CALD1: variants seen among roughly 807,000 people sequenced by gnomAD.
CALD1 encodes caldesmon.
In CALD1, 33 loss-of-function variants were observed where a neutral mutation model predicts 99.9. That is an observed-to-expected ratio of 0.33 (90% confidence interval 0.25 to 0.44). CALD1 has a LOEUF of 0.44. Ranked by LOEUF, CALD1 falls within the 20% of genes least tolerant of loss-of-function variation. The pLI is 1.00. For synonymous variants in CALD1, 310 were observed against 325.0 expected, an observed-to-expected ratio of 0.95 and a Z score of 0.50; for missense variants, 861 against 962.1, an observed-to-expected ratio of 0.89 and a Z score of 1.39.
At chr7:134,893,274 T>C (rs1049399153) in intron 3 of CALD1, among the ~76,000 whole-genome samples, 1 of 152,096 alleles carries the variant, frequency 6.6e-6, no homozygotes, top group Non-Finnish European at 1.5e-5. Flanking sequence ...CCCTTTCTGA[T>C]CCAGCCCCCT....
At chr7:134,730,844 T>C in the CALD1 span, among the ~76,000 whole-genome samples, 2 of 152,082 alleles carry the variant, frequency 1.3e-5, no homozygotes, top group South Asian at 2.1e-4. Context: ...GGGGGAGACA[T>C]CCAGCTTTAG....
chr7:134,880,034 T>C (rs1319655130), intron 3 of CALD1, among the ~76,000 whole-genome samples: 4 of 152,326 alleles, frequency 2.6e-5, no homozygotes, highest in Non-Finnish European at 4.4e-5. Flanking sequence ...AATGTTCATA[T>C]TTTCCATTGT....
chr7:134,810,921 T>G (rs1207323688), intron 1 of CALD1, among the ~76,000 whole-genome samples: 1 of 152,122 alleles, frequency 6.6e-6, no homozygotes, highest in East Asian at 1.9e-4. Context: ...CCAGGCAAAT[T>G]GTTTCATTGG....
intron 3 of CALD1, among the ~76,000 whole-genome samples, chr7:134,877,131 T>C (rs1037577613): frequency 6.6e-6 from 1 of 152,228 alleles, no homozygotes; most frequent in Non-Finnish European, 1.5e-5. Flanking sequence ...TTACCTCTTG[T>C]TGCTGTTTTT....
intron 1 of CALD1, among the ~76,000 whole-genome samples, chr7:134,810,278 G>A (rs1798304867): frequency 6.6e-6 from 1 of 152,172 alleles, no homozygotes; most frequent in Admixed American, 6.5e-5. Context: ...CTGCCAATAG[G>A]TTACTCTCAG....
chr7:134,857,820 T>G (rs1329118901), intron 2 of CALD1, among the ~76,000 whole-genome samples: 2 of 152,132 alleles, frequency 1.3e-5, no homozygotes, highest in Non-Finnish European at 2.9e-5. Context: ...TGAATAGAAG[T>G]CAAATAATTC....
chr7:134,888,405 G>C (rs753717533), intron 3 of CALD1, among the ~76,000 whole-genome samples: 1 of 152,180 alleles, frequency 6.6e-6, no homozygotes, highest in Non-Finnish European at 1.5e-5. Flanking sequence ...TCTCTGCTAT[G>C]CAGTGAAAGC....
At chr7:134,808,112 T>C (rs1428284418) in intron 1 of CALD1, among the ~76,000 whole-genome samples, 1 of 151,970 alleles carries the variant, frequency 6.6e-6, no homozygotes, top group Admixed American at 6.6e-5. Context: ...TCTTTTTTTT[T>C]TTTTTTGAGA....
At chr7:134,829,372 G>T (rs897616816) in intron 1 of CALD1, among the ~76,000 whole-genome samples, 2 of 152,220 alleles carry the variant, frequency 1.3e-5, no homozygotes, top group Admixed American at 6.5e-5. Flanking sequence ...TCATCTGATT[G>T]TACTGTAACA....
intron 2 of CALD1, among the ~76,000 whole-genome samples, chr7:134,851,673 C>A (rs1800088668): frequency 2.6e-5 from 4 of 152,164 alleles, no homozygotes. Flanking sequence ...TGCTTAGCCA[C>A]CCCTACTGAC....
chr7:134,897,966 C>T (rs1005669535), intron 3 of CALD1, among the ~76,000 whole-genome samples: 8 of 152,124 alleles, frequency 5.3e-5, no homozygotes, highest in Non-Finnish European at 7.4e-5. Flanking sequence ...ACCTCGGCCT[C>T]CCAAAAGTGA....
intron 3 of CALD1, among the ~76,000 whole-genome samples, chr7:134,921,192 C>CTCA (rs1563097175): frequency 6.6e-6 from 1 of 152,202 alleles, no homozygotes; most frequent in Non-Finnish European, 1.5e-5. Flanking sequence ...GAACAGTTGT[C>CTCA]TCATGTATGA....
At chr7:134,966,137 G>A (rs1438639261) in intron 14 of CALD1, among the ~76,000 whole-genome samples, 4 of 152,114 alleles carry the variant, frequency 2.6e-5, no homozygotes, top group African/African-American at 9.7e-5. Flanking sequence ...CCAACAATAA[G>A]CAAGGTTAGA....
intron 1 of CALD1, among the ~76,000 whole-genome samples, chr7:134,816,157 C>G (rs1368852212): frequency 6.6e-6 from 1 of 152,134 alleles, no homozygotes; most frequent in Non-Finnish European, 1.5e-5. Context: ...TGGAATCATG[C>G]AAGAGTTTGT....
intron 8 of CALD1, among the ~76,000 whole-genome samples, chr7:134,950,152 T>C (rs373259761): frequency 9.2e-5 from 14 of 152,312 alleles, no homozygotes; most frequent in African/African-American, 1.7e-4. Context: ...ATAAATAACA[T>C]GGCCAAGGTC....
chr7:134,851,907 C>T (rs11979197), intron 2 of CALD1, among the ~76,000 whole-genome samples: 124,449 of 151,756 alleles, frequency 0.82, 51,330 homozygotes, highest in East Asian at 0.99. Context: ...CAAAGGATCA[C>T]AGCTGTGACA....
the CALD1 span, among the ~76,000 whole-genome samples, chr7:134,722,129 G>A: frequency 1.7e-3 from 260 of 152,264 alleles, no homozygotes; most frequent in Non-Finnish European, 2.2e-3. Flanking sequence ...TATGATTTGT[G>A]CACAGACACC....
intron 4 of CALD1, 22 bp downstream of exon 4, chr7:134,928,922 G>A: frequency 1.3e-6 from 2 of 1,585,332 alleles, no homozygotes; most frequent in Non-Finnish European, 1.7e-6. Context: ...TTTGGGACGG[G>A]GAGTTTCTAA....
chr7:134,756,272 CAA>C (rs36011477), intron 1 of CALD1, among the ~76,000 whole-genome samples: 5 of 76,862 alleles, frequency 6.5e-5, no homozygotes, highest in Admixed American at 3.7e-4. Flanking sequence ...GACTTTGTCT[CAA>C]AAAAAAAAAA....
Sources: gnomAD v4.1 joint callset for allele counts (sites outside exome capture counted in the v4.1 genomes callset) on GRCh38, gnomAD v4.1.1 for gene constraint, MANE v1.5 for transcripts, NCBI Gene and HGNC (gene_info 2026-07-23, HGNC 2026-07-21) for gene names.